PACS2: variants seen among roughly 807,000 people sequenced by gnomAD.
PACS2 encodes the protein phosphofurin acidic cluster sorting protein 2.
PACS2 carries 36 observed loss-of-function variants against 113.0 expected under a neutral mutation model. The observed-to-expected ratio is 0.32, with a 90% CI of 0.24 to 0.42. The LOEUF is 0.42. Among genes scored for constraint, PACS2 ranks in the 10% least tolerant of loss-of-function variants. The probability of loss-of-function intolerance (pLI) is 1.00; values close to 1 mark genes in which losing one functional copy is unlikely to be tolerated. For missense variants in PACS2, 1,015 were observed against 1,239.5 expected (o/e 0.82, Z 2.72); for synonymous variants, 589 against 536.1 (o/e 1.10, Z -1.36).
At chr14:105,389,024 TG>T (rs2081270743) in intron 19 of PACS2, 1 of 152,362 alleles carries the variant, frequency 6.6e-6, no homozygotes, top group Non-Finnish European at 1.5e-5. Flanking sequence ...CGGGGCCTCA[TG>T]CTGTGCTGGC....
intron 1 of PACS2, among the ~76,000 whole-genome samples, chr14:105,305,830 C>T (rs2058170961): frequency 1.3e-5 from 2 of 152,264 alleles, no homozygotes; most frequent in Admixed American, 1.3e-4. Context: ...CCACACTGGG[C>T]ACCCAGCACC....
At chr14:105,393,164 C>A in intron 23 of PACS2, 58 bp from the exon 24 acceptor site, 1 of 1,378,152 alleles carries the variant, frequency 7.3e-7, no homozygotes, top group Non-Finnish European at 1.0e-6. Flanking sequence ...ACCCCTGGCC[C>A]TGGCCCCAGC....
chr14:105,385,096 C>T lies in PACS2; in HGVS notation c.2000+109C>T, dbSNP rs1595165596. ...TGGCCTGGTGGGCCGCAGAGCCCTG[C>T]ACCGGGCTTAGACCAGAGCCTGGGC... On this transcript the variant is annotated intron_variant, in intron 18 of 24. Coordinates refer to ENST00000447393, the MANE Select transcript of PACS2 (RefSeq NM_001100913.3). 1.7e-5 allele frequency: 13 copies of T among 746,898 alleles called. No individual in the cohort carries two copies. In the East Asian group the frequency reaches 3.0e-4, roughly 17 times the overall value. The allele number at this position is 746,898 out of a possible 1,614,324, so 46.3% of individuals were successfully genotyped here. A position where few individuals can be genotyped will look rare whatever the true frequency, so the allele number is the denominator to read the frequency against.
intron 4 of PACS2, among the ~76,000 whole-genome samples, chr14:105,359,749 G>A (rs1451184330): frequency 1.3e-5 from 2 of 152,002 alleles, no homozygotes; most frequent in African/African-American, 2.4e-5. Flanking sequence ...CCGCCACTAC[G>A]CCTGGCTAAT....
intron 1 of PACS2, among the ~76,000 whole-genome samples, chr14:105,339,094 G>T (rs911232456): frequency 6.6e-6 from 1 of 152,216 alleles, no homozygotes; most frequent in Non-Finnish European, 1.5e-5. Flanking sequence ...GGGGACCCGT[G>T]GCTGTCACTT....
intron 8 of PACS2, among the ~76,000 whole-genome samples, chr14:105,375,278 G>C (rs2061312682): frequency 6.6e-6 from 1 of 152,148 alleles, no homozygotes; most frequent in South Asian, 2.1e-4. Flanking sequence ...AAGAGATCAA[G>C]ACCATCCTGG....
intron 3 of PACS2, among the ~76,000 whole-genome samples, 157 bp downstream of exon 3, chr14:105,352,624 C>T (rs781958011): frequency 6.9e-6 from 1 of 145,580 alleles, no homozygotes; most frequent in Non-Finnish European, 1.5e-5. Context: ...GACGGGCACG[C>T]CTCATCACCG....
intron 1 of PACS2, among the ~76,000 whole-genome samples, chr14:105,325,171 G>GC (rs1555398088): frequency 1.3e-5 from 2 of 151,384 alleles, no homozygotes; most frequent in Admixed American, 6.6e-5. Flanking sequence ...TGGTGGGACG[G>GC]GGGGGGGCTC....
chr14:105,319,231 C>T (rs1309022436), intron 1 of PACS2, among the ~76,000 whole-genome samples: 1 of 152,254 alleles, frequency 6.6e-6, no homozygotes, highest in Non-Finnish European at 1.5e-5. Flanking sequence ...CAGGCGTGAG[C>T]CACCACGCCC....
intron 5 of PACS2, 151 bp downstream of exon 5, chr14:105,367,526 G>C: frequency 1.3e-6 from 1 of 747,316 alleles, no homozygotes; most frequent in Non-Finnish European, 2.2e-6. Context: ...GGAAGCCACA[G>C]CAGAGGTGCG....
intron 4 of PACS2, among the ~76,000 whole-genome samples, chr14:105,359,003 C>T (rs782259287): frequency 6.6e-6 from 1 of 152,204 alleles, no homozygotes; most frequent in Non-Finnish European, 1.5e-5. Flanking sequence ...TGGTAGCCAT[C>T]GTAACACCAT....
chr14:105,308,341 G>A (rs958675590), intron 1 of PACS2, among the ~76,000 whole-genome samples: 2 of 152,044 alleles, frequency 1.3e-5, no homozygotes, highest in Non-Finnish European at 2.9e-5. Context: ...AATTAGCCAG[G>A]TGTGGTGGTA....
intron 4 of PACS2, among the ~76,000 whole-genome samples, chr14:105,363,783 G>A (rs1595705725): frequency 6.6e-6 from 1 of 152,108 alleles, no homozygotes; most frequent in Non-Finnish European, 1.5e-5. Context: ...CGGCTCTGAC[G>A]TGCCTTCTTC....
rs2080920933 is a variant in PACS2, at chr14:105,379,914, GC to G, written c.1050+88del. On this transcript the variant is annotated intron_variant, in intron 10 of 24. Transcript: ENST00000447393. Reference sequence around the variant, plus strand: ...GCCCAAATCTCCCAGCATGTCCTGGGCCCAGGGCCCTGTCCAGCTGTCCTGG... The same window carrying G: ...GCCCAAATCTCCCAGCATGTCCTGGGCCAGGGCCCTGTCCAGCTGTCCTGG... 14 of 1,429,502 alleles carry G rather than the reference GC, an allele frequency of 9.8e-6. No individual in the cohort carries two copies. In the South Asian group the frequency reaches 1.2e-4, roughly 12 times the overall value. The allele number at this position is 1,429,502 out of a possible 1,614,324, so 88.6% of individuals were successfully genotyped here.
chr14:105,388,221 A>G (rs2081242663), intron 19 of PACS2, among the ~76,000 whole-genome samples: 1 of 152,022 alleles, frequency 6.6e-6, no homozygotes, highest in Non-Finnish European at 1.5e-5. Context: ...GTGGGCCAGG[A>G]GCCGTCCAGG....
chr14:105,324,950 T>C lies in PACS2; in HGVS notation c.119+9913T>C, dbSNP rs1411429488. On this transcript the variant is annotated intron_variant, in intron 1 of 24. Coordinates refer to ENST00000447393, the MANE Select transcript of PACS2 (RefSeq NM_001100913.3). This position sits in a 1 kb window ranked among gnomAD's most constrained non-coding sequence, Gnocchi z 4.7. Reference sequence around the variant, plus strand: ...ACTGGGGAAGGGGTGGGTCTGCCCTTCCTGCTGGGGGTGCACACGGGCCTG... The same window carrying C: ...ACTGGGGAAGGGGTGGGTCTGCCCTCCCTGCTGGGGGTGCACACGGGCCTG... 6.6e-6 allele frequency among the ~76,000 whole-genome samples: 1 copy of C among 151,844 alleles called. No individual in the cohort carries two copies. Among genetic ancestry groups the C allele is most frequent in the Non-Finnish European group, 1.5e-5 (1 of 67,928 alleles).
intron 1 of PACS2, among the ~76,000 whole-genome samples, chr14:105,321,368 C>CT (rs796214953): frequency 0.019 from 2,771 of 148,190 alleles, 76 homozygotes; most frequent in African/African-American, 0.062. Flanking sequence ...CTGTTTGATA[C>CT]TTTTTTTTTT....
chr14:105,393,143 C>T, intron 23 of PACS2, 79 bp from the exon 24 acceptor site: 1 of 1,090,646 alleles, frequency 9.2e-7, no homozygotes, highest in South Asian at 1.2e-5. Context: ...CCCAGTGCCT[C>T]CCCCACACGT....
intron 19 of PACS2, 85 bp downstream of exon 19, chr14:105,385,802 C>G: frequency 8.9e-6 from 7 of 785,122 alleles, no homozygotes; most frequent in Non-Finnish European, 1.3e-5. Context: ...GTAGGAATCA[C>G]CCCGCTGTCC....
Sources: gnomAD v4.1 joint callset for allele counts (sites outside exome capture counted in the v4.1 genomes callset) on GRCh38, gnomAD v4.1.1 for gene constraint, Gnocchi (gnomAD v3.1) non-coding constraint, MANE v1.5 for transcripts, NCBI Gene and HGNC (gene_info 2026-07-23, HGNC 2026-07-21) for gene names.